Variants in RAD18 observed in about 807,000 individuals in gnomAD.
RAD18 encodes E3 ubiquitin-protein ligase RAD18.
Under a neutral mutation model 60.4 loss-of-function variants are expected in RAD18, and 47 were observed. That is an observed-to-expected ratio of 0.78 (90% CI 0.62 to 0.99). RAD18 has a LOEUF of 0.99. Among genes scored for constraint, RAD18 ranks in the 50% least tolerant of loss-of-function variants. The pLI is 0.00. For missense variants in RAD18, 640 were observed against 593.3 expected (o/e 1.08, Z -0.82); for synonymous variants, 225 against 195.5 (o/e 1.15, Z -1.26).
intron 10 of RAD18, among the ~76,000 whole-genome samples, chr3:8,901,827 T>C (rs965603597): frequency 1.3e-5 from 2 of 152,216 alleles, no homozygotes; most frequent in Non-Finnish European, 2.9e-5. Context: ...TTTACCACAA[T>C]ATAGAAAAAC....
At chr3:8,959,478 T>C (rs1268590759) in intron 1 of RAD18, among the ~76,000 whole-genome samples, 1 of 152,158 alleles carries the variant, frequency 6.6e-6, no homozygotes, top group East Asian at 1.9e-4. Flanking sequence ...AGGAAACTGG[T>C]ATCAAAAGCA....
At chr3:8,890,497 T>C (rs762051691) in intron 11 of RAD18, 46 bp from the exon 12 acceptor site, 1 of 1,383,570 alleles carries the variant, frequency 7.2e-7, no homozygotes, top group Non-Finnish European at 1.0e-6. Context: ...AAGAAGACTG[T>C]ATCGTCCCAT....
At chr3:8,914,350 C>A (rs987458398) in intron 7 of RAD18, among the ~76,000 whole-genome samples, 3 of 152,170 alleles carry the variant, frequency 2.0e-5, no homozygotes, top group African/African-American at 7.2e-5. Context: ...AATCTACAAT[C>A]CCTAACCCTC....
intron 7 of RAD18, among the ~76,000 whole-genome samples, chr3:8,915,583 TC>T (rs1940185265): frequency 7.3e-5 from 11 of 150,316 alleles, no homozygotes; most frequent in Admixed American, 7.3e-4. Flanking sequence ...CAGGCTATTT[TC>T]CTTTTTTTTT....
intron 7 of RAD18, among the ~76,000 whole-genome samples, chr3:8,927,488 A>G (rs546616013): frequency 1.2e-4 from 18 of 152,320 alleles, no homozygotes; most frequent in Non-Finnish European, 2.5e-4. Flanking sequence ...CAACCATTGT[A>G]GAAGTCAGTG....
intron 7 of RAD18, among the ~76,000 whole-genome samples, chr3:8,935,319 A>T (rs1200728377): frequency 6.6e-6 from 1 of 152,264 alleles, no homozygotes; most frequent in African/African-American, 2.4e-5. Flanking sequence ...ACTACACAGA[A>T]TACTATCATT....
chr3:8,877,735 T>C lies in RAD18; in HGVS notation c.*3622A>G, dbSNP rs1939387162. 6.6e-6 allele frequency: 1 copy of C among 152,102 alleles called. No homozygotes were observed. The allele number at this position is 152,102 out of a possible 1,614,324, so 9.4% of individuals were successfully genotyped here. A position where few individuals can be genotyped will look rare whatever the true frequency, so the allele number is the denominator to read the frequency against. ...TCCATCAGGGCAGGAACTGTCTTTGTTTTGCACATTACTTGACATATAGTC... is the reference window on the plus strand; with the variant it reads ...TCCATCAGGGCAGGAACTGTCTTTGCTTTGCACATTACTTGACATATAGTC... On this transcript the variant is annotated 3_prime_UTR_variant, in exon 13 of 13. Coordinates refer to ENST00000264926, the MANE Select transcript of RAD18 (RefSeq NM_020165.4).
chr3:8,902,176 T>C (rs565179179), intron 10 of RAD18, among the ~76,000 whole-genome samples: 12 of 152,324 alleles, frequency 7.9e-5, no homozygotes, highest in African/African-American at 2.9e-4. Flanking sequence ...AAAAAGAGAT[T>C]GTTTCTTCAG....
At chr3:8,946,551 A>G (rs746663889) in intron 4 of RAD18, among the ~76,000 whole-genome samples, 1 of 152,262 alleles carries the variant, frequency 6.6e-6, no homozygotes, top group African/African-American at 2.4e-5. Context: ...ATATTGAAAC[A>G]TGCCTTTTCA....
chr3:8,916,466 T>C (rs749149981), intron 7 of RAD18, among the ~76,000 whole-genome samples: 7 of 152,184 alleles, frequency 4.6e-5, no homozygotes, highest in Non-Finnish European at 1.0e-4. Flanking sequence ...GAGTGATATA[T>C]AGCTACATTT....
chr3:8,883,886 A>G (rs984079292), intron 12 of RAD18, among the ~76,000 whole-genome samples: 1 of 152,212 alleles, frequency 6.6e-6, no homozygotes, highest in Non-Finnish European at 1.5e-5. Context: ...ATTGCTTTCA[A>G]CAAACACCCT....
chr3:8,896,304 A>C (rs1453809798), intron 11 of RAD18, among the ~76,000 whole-genome samples: 1 of 152,222 alleles, frequency 6.6e-6, no homozygotes, highest in African/African-American at 2.4e-5. Flanking sequence ...TTATCCTCTA[A>C]GGTTCTGGAG....
chr3:8,927,804 G>GC (rs1940469077), intron 7 of RAD18, among the ~76,000 whole-genome samples: 3 of 151,922 alleles, frequency 2.0e-5, no homozygotes, highest in Middle Eastern at 6.8e-3. Context: ...GCAAACTGTC[G>GC]CAAGGACAGA....
chr3:8,910,893 T>C (rs111947177), intron 9 of RAD18, among the ~76,000 whole-genome samples: 3,069 of 152,280 alleles, frequency 0.02, 87 homozygotes, highest in African/African-American at 0.069. Flanking sequence ...TTACCAAAAG[T>C]AGCACCAAAT....
rs1939379975 is a variant in RAD18 at position 8,877,435 on chromosome 3, C to A, written c.*3922G>T. The A allele has an allele frequency of 6.6e-6, 1 of 152,158 alleles. No individual in the cohort carries two copies. The highest frequency in any genetic ancestry group is 2.4e-5 in the African/African-American group (1 of 41,420). 9.4% of individuals were successfully genotyped at this position (152,158 alleles called of 1,614,324 possible). ...GTGACCCCATCTATAAGAGCTGTGCCCTCACGACTTAATCACATCCTAAAG... is the reference window on the plus strand; with the variant it reads ...GTGACCCCATCTATAAGAGCTGTGCACTCACGACTTAATCACATCCTAAAG... On this transcript the variant is annotated 3_prime_UTR_variant, in exon 13 of 13. Transcript: ENST00000264926.
intron 3 of RAD18, 23 bp downstream of exon 3, chr3:8,948,485 TA>T: frequency 6.3e-7 from 1 of 1,594,090 alleles, no homozygotes; most frequent in Non-Finnish European, 8.6e-7. Flanking sequence ...CAGTAAGTTT[TA>T]AAAAAAGGAA....
At chr3:8,961,948 G>A (rs1267148113) in intron 1 of RAD18, among the ~76,000 whole-genome samples, 1 of 152,140 alleles carries the variant, frequency 6.6e-6, no homozygotes, top group Non-Finnish European at 1.5e-5. Context: ...CAAGCTTCAT[G>A]ACAACAAATT....
intron 12 of RAD18, among the ~76,000 whole-genome samples, chr3:8,887,437 T>C (rs1003183993): frequency 1.3e-5 from 2 of 152,218 alleles, no homozygotes; most frequent in Non-Finnish European, 2.9e-5. Flanking sequence ...CTGAAGCATA[T>C]ATATTTTACT....
At chr3:8,915,021 C>T (rs552039187) in intron 7 of RAD18, among the ~76,000 whole-genome samples, 87 of 151,596 alleles carry the variant, frequency 5.7e-4, no homozygotes, top group African/African-American at 1.9e-3. Flanking sequence ...TGGTGGGGGG[C>T]GCCTATAGTC....
Sources: gnomAD v4.1 joint callset for allele counts (sites outside exome capture counted in the v4.1 genomes callset) on GRCh38, gnomAD v4.1.1 for gene constraint, MANE v1.5 for transcripts, NCBI Gene and HGNC (gene_info 2026-07-23, HGNC 2026-07-21) for gene names.